The following TENM2 variants were observed in gnomAD, a reference collection of about 807,000 sequenced individuals.
TENM2 encodes the protein teneurin-2.
In TENM2, 52 loss-of-function variants were observed where a neutral mutation model predicts 245.2. That is an observed-to-expected ratio of 0.21 (90% CI 0.17 to 0.27). The LOEUF is 0.27. Among genes scored for constraint, TENM2 ranks in the 10% least tolerant of loss-of-function variants. TENM2 has a pLI of 1.00. For missense variants in TENM2, 3,046 were observed against 3,666.8 expected, an observed-to-expected ratio of 0.83 and a Z score of 4.37; for synonymous variants, 1,363 against 1,438.9, an observed-to-expected ratio of 0.95 and a Z score of 1.19.
At chr5:167,926,445 C>G (rs1421034564) in intron 3 of TENM2, among the ~76,000 whole-genome samples, 1 of 152,156 alleles carries the variant, frequency 6.6e-6, no homozygotes, top group East Asian at 1.9e-4. Flanking sequence ...CTTAGCCAGG[C>G]AAGGTGGCTC....
chr5:167,683,940 C>T (rs1169562924), intron 2 of TENM2, among the ~76,000 whole-genome samples: 1 of 152,148 alleles, frequency 6.6e-6, no homozygotes, highest in Non-Finnish European at 1.5e-5. Flanking sequence ...GCTGGGTGGC[C>T]ATTTTGCTTG....
At chr5:167,831,442 C>T (rs549933232) in intron 2 of TENM2, among the ~76,000 whole-genome samples, 6 of 150,058 alleles carry the variant, frequency 4.0e-5, no homozygotes, top group South Asian at 2.1e-4. Flanking sequence ...GGAAAGAAGA[C>T]GACCACCAAG....
intron 1 of TENM2, among the ~76,000 whole-genome samples, chr5:167,323,144 G>A (rs1756868575): frequency 6.6e-6 from 1 of 152,124 alleles, no homozygotes; most frequent in Non-Finnish European, 1.5e-5. Flanking sequence ...ATTTATACTA[G>A]TACAGCATAT....
intron 2 of TENM2, among the ~76,000 whole-genome samples, chr5:167,552,449 A>G (rs1272783944): frequency 6.6e-6 from 1 of 152,196 alleles, no homozygotes; most frequent in Non-Finnish European, 1.5e-5. Context: ...AACGCTTCTT[A>G]GGAAGCCACC....
chr5:168,242,209 G>C (rs559382040), intron 25 of TENM2, among the ~76,000 whole-genome samples: 1 of 152,152 alleles, frequency 6.6e-6, no homozygotes, highest in Non-Finnish European at 1.5e-5. Flanking sequence ...TTGGCCACCC[G>C]TATCTCTGAA....
At chr5:168,238,253 A>AGAAAAGAAAAGAAAAGAAAG (rs1765750133) in intron 25 of TENM2, among the ~76,000 whole-genome samples, 4 of 146,856 alleles carry the variant, frequency 2.7e-5, no homozygotes, top group African/African-American at 1.0e-4. Context: ...AGAAAAGAAA[A>AGAAAAGAAAAGAAAAGAAAG]GAAAAGAAAA....
chr5:167,769,059 C>T (rs1763228982), intron 2 of TENM2, among the ~76,000 whole-genome samples: 1 of 152,170 alleles, frequency 6.6e-6, no homozygotes, highest in Admixed American at 6.5e-5. Flanking sequence ...ATGGAATCTC[C>T]TTTTTAAAAA....
chr5:168,082,762 A>G (rs1226612893), intron 7 of TENM2, among the ~76,000 whole-genome samples: 1 of 152,170 alleles, frequency 6.6e-6, no homozygotes, highest in East Asian at 1.9e-4. Flanking sequence ...AGGCTGCAGA[A>G]CAGCAAATAT....
chr5:167,794,342 T>C (rs185919371), intron 2 of TENM2, among the ~76,000 whole-genome samples: 1 of 152,280 alleles, frequency 6.6e-6, no homozygotes, highest in East Asian at 1.9e-4. Flanking sequence ...GAAAGGGAAA[T>C]AAATTGTTTT....
In TENM2 at chr5:168,112,858, A is replaced by G. The variant is rs529828316; in HGVS notation, c.1814-5434A>G. Among the ~76,000 whole-genome samples, 11 of 152,254 alleles carry G rather than the reference A, an allele frequency of 7.2e-5. No homozygotes were observed. The South Asian group carries it at 2.3e-3, about 32-fold the overall frequency. On this transcript the variant is annotated intron_variant, in intron 9 of 28. Transcript: ENST00000518659. ...AGGATCAATGCATCTTCTTTTCTCC[A>G]TCACTTATCCTCTACCACCTAACCA...
chr5:167,416,661 G>A (rs182126281), intron 2 of TENM2, among the ~76,000 whole-genome samples: 1 of 148,332 alleles, frequency 6.7e-6, no homozygotes, highest in East Asian at 2.0e-4. Flanking sequence ...ACTATTATAT[G>A]AGAATTACTC....
chr5:167,153,111 A>ACC, the TENM2 span, among the ~76,000 whole-genome samples: 2 of 151,744 alleles, frequency 1.3e-5, no homozygotes, highest in Non-Finnish European at 2.9e-5. Flanking sequence ...ACACACACAC[A>ACC]CACACACACA....
At chr5:168,169,552 C>T (rs1758613972) in intron 13 of TENM2, among the ~76,000 whole-genome samples, 1 of 152,214 alleles carries the variant, frequency 6.6e-6, no homozygotes, top group Non-Finnish European at 1.5e-5. Flanking sequence ...GCTCCCTCCC[C>T]ATCCCGTAGC....
intron 4 of TENM2, among the ~76,000 whole-genome samples, chr5:167,974,057 AGGAG>A (rs1382819135): frequency 1.7e-4 from 2 of 11,452 alleles, no homozygotes; most frequent in African/African-American, 5.4e-4. Context: ...AAGGGAGGAA[AGGAG>A]GGAGGGAGGG....
chr5:168,206,319 A>G (rs1762341466), intron 19 of TENM2, among the ~76,000 whole-genome samples: 1 of 152,234 alleles, frequency 6.6e-6, no homozygotes, highest in Admixed American at 6.5e-5. Flanking sequence ...CTTCACCCTG[A>G]GGAGGCTGCA....
At chr5:167,374,594 A>T (rs1047858291) in intron 1 of TENM2, among the ~76,000 whole-genome samples, 2 of 152,168 alleles carry the variant, frequency 1.3e-5, no homozygotes, top group African/African-American at 2.4e-5. Context: ...GAGACTTGTC[A>T]GTGGAAACTA....
chr5:168,065,579 C>G (rs1790424291), intron 7 of TENM2, among the ~76,000 whole-genome samples: 1 of 152,004 alleles, frequency 6.6e-6, no homozygotes, highest in African/African-American at 2.4e-5. Flanking sequence ...TTATGTGTAG[C>G]CCTGGCAAAT....
At chr5:168,149,300 A>G (rs971341911) in intron 12 of TENM2, 53 of 453,284 alleles carry the variant, frequency 1.2e-4, no homozygotes, top group Middle Eastern at 9.8e-4. Context: ...TCATCTCCAC[A>G]TGTTATTTTT....
chr5:167,541,217 C>T (rs1178212289), intron 2 of TENM2, among the ~76,000 whole-genome samples: 8 of 152,106 alleles, frequency 5.3e-5, no homozygotes, highest in Non-Finnish European at 4.4e-5. Context: ...ATTGTTAATG[C>T]AAGTTTCAAT....
Sources: gnomAD v4.1 joint callset for allele counts (sites outside exome capture counted in the v4.1 genomes callset) on GRCh38, gnomAD v4.1.1 for gene constraint, MANE v1.5 for transcripts, NCBI Gene and HGNC (gene_info 2026-07-23, HGNC 2026-07-21) for gene names.